The following USP28 variants were observed in gnomAD, a reference collection of about 807,000 sequenced individuals.
The protein encoded by USP28 is ubiquitin specific peptidase 28, also known as ubiquitin carboxyl-terminal hydrolase 28.
In USP28, 113 loss-of-function variants were observed where a neutral mutation model predicts 145.0. The ratio of observed to expected loss-of-function variants is 0.78; its 90% confidence interval spans 0.67 to 0.91. The LOEUF (loss-of-function observed/expected upper bound fraction) is 0.91. Among genes scored for constraint, USP28 ranks in the 40% least tolerant of loss-of-function variants. USP28 has a pLI of 0.00. For synonymous variants in USP28, 447 were observed against 450.9 expected (o/e 0.99, Z 0.11); for missense variants, 1,201 against 1,289.6 (o/e 0.93, Z 1.05).
chr11:113,873,326 T>C (rs1251978870), intron 1 of USP28, among the ~76,000 whole-genome samples: 1 of 152,206 alleles, frequency 6.6e-6, no homozygotes, highest in Non-Finnish European at 1.5e-5. Context: ...CAGCTTTCCG[T>C]ATAGGGCAAA....
Position 113,827,232 on chromosome 11 carries a change from C to A in USP28, c.1187+1G>T. 6.2e-7 allele frequency: 1 copy of A among 1,603,380 alleles called. No homozygotes were observed. On this transcript the variant is annotated splice_donor_variant, in intron 11 of 24. Transcript: ENST00000003302. LOFTEE classifies it high-confidence loss of function. ...AAAAAAAAAATCAGCCAAGAACTCA[C>A]CTGTCCATATAAATAATCTGAGGAA... is the stretch of plus-strand genomic sequence containing the variant.
chr11:113,806,686 G>A (rs1041365181), intron 18 of USP28, 102 bp from the exon 20 acceptor site: 1 of 770,520 alleles, frequency 1.3e-6, no homozygotes, highest in East Asian at 2.9e-5. Context: ...GGGCAGCAGA[G>A]CAGTGTGCTC....
chr11:113,824,018 T>C (rs926190936), intron 11 of USP28, among the ~76,000 whole-genome samples: 5 of 152,102 alleles, frequency 3.3e-5, no homozygotes, highest in Admixed American at 2.0e-4. Context: ...GATGTAAGCA[T>C]GCAGAAAATC....
At chr11:113,808,576 C>T in intron 17 of USP28, 139 bp from the exon 18 acceptor site, 2 of 867,550 alleles carry the variant, frequency 2.3e-6, no homozygotes, top group Non-Finnish European at 1.6e-6. Context: ...TGCAGATTTT[C>T]CCTAGAAATT....
rs1290221642 is a variant in USP28, at chr11:113,852,368, A to G, written c.268+133T>C. On this transcript the variant is annotated intron_variant, in intron 3 of 24. Coordinates refer to ENST00000003302, the Ensembl canonical transcript of USP28. ...CTTAGAATTGTGCCTGCCACATAGCAATAGCTCAGTAATAAGCTGTTATTA... is the reference window on the plus strand; with the variant it reads ...CTTAGAATTGTGCCTGCCACATAGCGATAGCTCAGTAATAAGCTGTTATTA... 4 of 1,255,584 alleles carry G rather than the reference A, an allele frequency of 3.2e-6. No individual in the cohort carries two copies. The African/African-American group carries it at 5.9e-5, about 19-fold the overall frequency. The allele number at this position is 1,255,584 out of a possible 1,614,324, so 77.8% of individuals were successfully genotyped here. A position where few individuals can be genotyped will look rare whatever the true frequency, so the allele number is the denominator to read the frequency against.
chr11:113,803,138 G>A lies in USP28; in HGVS notation c.2862+20C>T, dbSNP rs1458817800. The A allele has an allele frequency of 2.5e-6, 4 of 1,603,140 alleles. No individual in the cohort carries two copies. The highest frequency in any genetic ancestry group is 1.3e-5 in the African/African-American group (1 of 74,366). On this transcript the variant is annotated intron_variant, in intron 23 of 24. Coordinates refer to ENST00000003302, the Ensembl canonical transcript of USP28. ...AGGTAAACAACAAAAAAACCTTAAG[G>A]CTTTACAAACAGTACAAACCAGAAG...
chr11:113,874,696 C>T, intron 1 of USP28: 1 of 1,214,242 alleles, frequency 8.2e-7, no homozygotes, highest in African/African-American at 1.6e-5. Context: ...GCTCAAATTG[C>T]CCTCTTCCCA....
At chr11:113,849,763 GT>G (rs1427614259) in intron 3 of USP28, among the ~76,000 whole-genome samples, 2 of 152,148 alleles carry the variant, frequency 1.3e-5, no homozygotes, top group Non-Finnish European at 1.5e-5. Context: ...GAGAAAGATA[GT>G]GCCGACAGCT....
At chr11:113,857,795 G>GT (rs1416005862) in intron 1 of USP28, among the ~76,000 whole-genome samples, 2 of 152,118 alleles carry the variant, frequency 1.3e-5, no homozygotes, top group Non-Finnish European at 2.9e-5. Context: ...TCTCCATTTT[G>GT]TAATAGGTAG....
At chr11:113,811,466 TC>T (rs1193115234) in intron 16 of USP28, among the ~76,000 whole-genome samples, 2 of 152,156 alleles carry the variant, frequency 1.3e-5, no homozygotes, top group African/African-American at 2.4e-5. Flanking sequence ...AGCAGGCAGA[TC>T]ACCTGAGGTG....
At chr11:113,860,633 A>C (rs1037160069) in intron 1 of USP28, among the ~76,000 whole-genome samples, 1 of 151,720 alleles carries the variant, frequency 6.6e-6, no homozygotes, top group Non-Finnish European at 1.5e-5. Flanking sequence ...AATATGGTGA[A>C]ACCCCATCTC....
At chr11:113,831,006 C>G in intron 8 of USP28, 63 bp from the exon 9 acceptor site, 4 of 1,575,512 alleles carry the variant, frequency 2.5e-6, no homozygotes, top group Non-Finnish European at 2.6e-6. Context: ...TACATAAAAT[C>G]CAAGCATCAT....
rs747036361 is a variant in USP28 at position 113,812,495 on chromosome 11, G to C, written c.1753C>G (p.Arg585Gly). The change falls in exon 16 of 25, where the codon CGC becomes GGC. Residue 585 changes from arginine to glycine, a missense_variant. By Grantham distance (125) the Arg-to-Gly change is moderately radical. Coordinates refer to ENST00000003302, the Ensembl canonical transcript of USP28. ...TCATGAACAAGAACTGCATGCAAGC[G>C]ATAAGGCACCTGTAAGTCAGAATGT... 3.1e-6 allele frequency: 5 copies of C among 1,613,856 alleles called. No homozygotes were observed. The South Asian group carries it at 5.5e-5, about 18-fold the overall frequency.
chr11:113,830,011 T>G (rs1422311908), intron 9 of USP28, among the ~76,000 whole-genome samples: 1 of 152,056 alleles, frequency 6.6e-6, no homozygotes, highest in African/African-American at 2.4e-5. Flanking sequence ...TGTTAAAATA[T>G]GTTAAATATG....
intron 9 of USP28, among the ~76,000 whole-genome samples, chr11:113,830,589 A>G (rs1943871540): frequency 6.6e-6 from 1 of 152,194 alleles, no homozygotes; most frequent in Non-Finnish European, 1.5e-5. Context: ...AAACCGAGTA[A>G]AATCACTATC....
chr11:113,812,758 T>C (rs1307662085), intron 15 of USP28, among the ~76,000 whole-genome samples: 1 of 152,172 alleles, frequency 6.6e-6, no homozygotes, highest in Non-Finnish European at 1.5e-5. Context: ...ACTCCTCAGA[T>C]CTAAAACCAA....
At chr11:113,804,473 C>A (rs1179789504) in intron 21 of USP28, among the ~76,000 whole-genome samples, 200 bp downstream of exon 22, 1 of 152,154 alleles carries the variant, frequency 6.6e-6, no homozygotes, top group Non-Finnish European at 1.5e-5. Flanking sequence ...TTGACTCACT[C>A]TAAATGAAGA....
At chr11:113,837,518 T>C (rs1591341835) in intron 5 of USP28, among the ~76,000 whole-genome samples, 1 of 152,216 alleles carries the variant, frequency 6.6e-6, no homozygotes, top group Admixed American at 6.5e-5. Flanking sequence ...TTACATGTCT[T>C]CTTTGTGTCC....
chr11:113,864,929 T>A (rs1487429919), intron 1 of USP28, among the ~76,000 whole-genome samples: 1 of 152,096 alleles, frequency 6.6e-6, no homozygotes, highest in Non-Finnish European at 1.5e-5. Context: ...CTCCACCCTG[T>A]AAGCTCAAGC....
Sources: allele counts gnomAD v4.1 joint callset (sites outside exome capture counted in the v4.1 genomes callset), GRCh38; gene constraint gnomAD v4.1.1; transcripts MANE v1.5; gene names NCBI Gene and HGNC (gene_info 2026-07-23, HGNC 2026-07-21).